KMT2C: variants seen among roughly 807,000 people sequenced by gnomAD.
KMT2C encodes the protein histone-lysine N-methyltransferase 2C.
Under a neutral mutation model 507.9 loss-of-function variants are expected in KMT2C, and 88 were observed. The ratio of observed to expected loss-of-function variants is 0.17; its 90% CI spans 0.15 to 0.21. The LOEUF (loss-of-function observed/expected upper bound fraction) is 0.21. Ranked by LOEUF, KMT2C falls within the 10% of genes least tolerant of loss-of-function variation. KMT2C has a pLI of 1.00. For missense variants in KMT2C, 4,954 were observed against 5,957.8 expected, an observed-to-expected ratio of 0.83 and a Z score of 5.55; for synonymous variants, 2,049 against 2,080.8, an observed-to-expected ratio of 0.98 and a Z score of 0.42.
intron 15 of KMT2C, among the ~76,000 whole-genome samples, chr7:152,238,358 C>T (rs2095323907): frequency 6.6e-6 from 1 of 152,134 alleles, no homozygotes; most frequent in African/African-American, 2.4e-5. Flanking sequence ...TCCATGAGAA[C>T]ATAATAAATT....
chr7:152,165,375 G>A (rs1259814766), intron 42 of KMT2C, among the ~76,000 whole-genome samples: 1 of 152,092 alleles, frequency 6.6e-6, no homozygotes, highest in African/African-American at 2.4e-5. Flanking sequence ...GCAAAAATTA[G>A]GCCCTCATCA....
chr7:152,358,613 G>A lies in KMT2C; in HGVS notation c.224C>T (p.Thr75Ile), dbSNP rs2129231442. The change falls in exon 2 of 59, where the codon ACA (threonine) becomes ATA (isoleucine). Residue 75 changes from threonine to isoleucine, a missense_variant. Thr to Ile is a moderately conservative substitution (Grantham distance 89). This residue lies in a region of KMT2C where 233 missense variants were observed against 263.6 expected (regional missense o/e 0.88). Coordinates refer to ENST00000262189, the MANE Select transcript of KMT2C (RefSeq NM_170606.3). ...DEDSMDGLETTETETIVETEI... is the reference protein window; with the variant it reads ...DEDSMDGLETIETETIVETEI... ...TGTTTCCACAATCGTTTCTGTTTCT[G>A]TTGTCTCCAGCCCATCCATGCTGTC... is the stretch of plus-strand genomic sequence containing the variant. The A allele has an allele frequency of 1.2e-6, 2 of 1,609,598 alleles. No individual in the cohort carries two copies. The highest frequency in any genetic ancestry group is 1.7e-6 in the Non-Finnish European group (2 of 1,177,524).
chr7:152,372,454 C>G (rs1200607493), intron 1 of KMT2C, among the ~76,000 whole-genome samples: 1 of 152,156 alleles, frequency 6.6e-6, no homozygotes, highest in African/African-American at 2.4e-5. Flanking sequence ...CTGCACCCAG[C>G]CAAGCGGATT....
chr7:152,174,206 T>C lies in KMT2C; in HGVS notation c.9299A>G (p.Lys3100Arg). Reference protein sequence around the residue: ...DAITDPIMKAKMVALKGINKV... With the variant: ...DAITDPIMKARMVALKGINKV... ...ATTTATACCTTTAAGGGCCACCATTTTGGCTTTCATTATAGGATCTGTAAT... is the reference window on the plus strand; with the variant it reads ...ATTTATACCTTTAAGGGCCACCATTCTGGCTTTCATTATAGGATCTGTAAT... Residue 3100 changes from lysine to arginine, a missense_variant, in exon 39 of 59, where the codon AAA (lysine) becomes AGA (arginine). Physicochemically the swap from Lys to Arg is conservative, Grantham distance 26. This residue lies in a region of KMT2C where 1,689 missense variants were observed against 1,654.3 expected (regional missense o/e 1.02). Coordinates refer to ENST00000262189, the MANE Select transcript of KMT2C (RefSeq NM_170606.3). 6.2e-7 allele frequency: 1 copy of C among 1,607,130 alleles called. No individual in the cohort carries two copies. The highest frequency in any genetic ancestry group is 8.5e-7 in the Non-Finnish European group (1 of 1,175,604).
intron 51 of KMT2C, among the ~76,000 whole-genome samples, chr7:152,150,330 T>C: frequency 6.6e-6 from 1 of 152,174 alleles, no homozygotes; most frequent in East Asian, 1.9e-4. Context: ...AATATTAAGA[T>C]ATTTACGGCC....
chr7:152,178,284 C>G (rs1483583076), intron 37 of KMT2C, among the ~76,000 whole-genome samples: 1 of 152,018 alleles, frequency 6.6e-6, no homozygotes, highest in Non-Finnish European at 1.5e-5. Context: ...AAAGGAAGAA[C>G]AACCAAGCAG....
chr7:152,259,454 A>G (rs866797853), intron 9 of KMT2C, among the ~76,000 whole-genome samples: 4,308 of 136,726 alleles, frequency 0.032, 242 homozygotes, highest in African/African-American at 0.12. Context: ...GCGCACACAC[A>G]CACACACACA....
intron 42 of KMT2C, among the ~76,000 whole-genome samples, chr7:152,166,161 T>C (rs1300096561): frequency 6.6e-6 from 1 of 150,998 alleles, no homozygotes; most frequent in Non-Finnish European, 1.5e-5. Flanking sequence ...TCTCACTTTG[T>C]CGCCAGGCTG....
intron 6 of KMT2C, among the ~76,000 whole-genome samples, chr7:152,277,102 T>TA (rs2096095504): frequency 6.6e-6 from 1 of 152,176 alleles, no homozygotes; most frequent in Non-Finnish European, 1.5e-5. Context: ...AGTTGTATCA[T>TA]AAAAAAATAC....
intron 1 of KMT2C, among the ~76,000 whole-genome samples, chr7:152,360,073 TGGG>T (rs372111513): frequency 0.055 from 805 of 14,746 alleles, 37 homozygotes; most frequent in African/African-American, 0.13. Context: ...AAAAGGGGGG[TGGG>T]GGGGGGGGGA....
chr7:152,368,773 T>G, intron 1 of KMT2C: 1 of 770,380 alleles, frequency 1.3e-6, no homozygotes, highest in Non-Finnish European at 2.1e-6. Context: ...AATGATGGAT[T>G]TAACAGCGTG....
chr7:152,308,367 C>T (rs1233020194), intron 6 of KMT2C, among the ~76,000 whole-genome samples: 3 of 151,988 alleles, frequency 2.0e-5, no homozygotes, highest in Admixed American at 6.6e-5. Flanking sequence ...CTCACTTCTC[C>T]CAAATATACT....
At chr7:152,419,954 T>C (rs2097768336) in intron 1 of KMT2C, among the ~76,000 whole-genome samples, 1 of 152,236 alleles carries the variant, frequency 6.6e-6, no homozygotes, top group African/African-American at 2.4e-5. Flanking sequence ...TCAACAAAGA[T>C]GTCTTCTTTC....
intron 8 of KMT2C, among the ~76,000 whole-genome samples, chr7:152,263,374 G>C (rs1250536497): frequency 2.6e-5 from 4 of 152,218 alleles, no homozygotes; most frequent in Non-Finnish European, 5.9e-5. Context: ...TGCAAAGGAG[G>C]AAGGGTTAAG....
intron 31 of KMT2C, among the ~76,000 whole-genome samples, chr7:152,189,072 C>T (rs13245135): frequency 0.049 from 7,390 of 152,194 alleles, 296 homozygotes; most frequent in East Asian, 0.17. Flanking sequence ...AATTCTCATT[C>T]GAGCTTATTC....
chr7:152,364,969 A>G (rs930584591), intron 1 of KMT2C, among the ~76,000 whole-genome samples: 20 of 151,670 alleles, frequency 1.3e-4, no homozygotes, highest in African/African-American at 3.4e-4. Context: ...ACACACACAC[A>G]CGTACCAGTA....
At chr7:152,290,135 A>G (rs1479694059) in intron 6 of KMT2C, among the ~76,000 whole-genome samples, 1 of 151,406 alleles carries the variant, frequency 6.6e-6, no homozygotes, top group African/African-American at 2.4e-5. Flanking sequence ...ATATTTTCCA[A>G]AGACCACTTA....
chr7:152,152,986 C>T (rs1342918050), intron 48 of KMT2C, 32 bp from the exon 49 acceptor site: 1 of 1,608,178 alleles, frequency 6.2e-7, no homozygotes, highest in Non-Finnish European at 8.5e-7. Context: ...GTATTATTCA[C>T]CCAGAAGGCA....
chr7:152,313,544 C>CA (rs1039166378), intron 4 of KMT2C, among the ~76,000 whole-genome samples: 13 of 151,222 alleles, frequency 8.6e-5, no homozygotes, highest in South Asian at 2.1e-4. Flanking sequence ...AGTTATAAAA[C>CA]AAAAAAAGGA....
Sources: allele counts gnomAD v4.1 joint callset (sites outside exome capture counted in the v4.1 genomes callset), GRCh38; gene constraint gnomAD v4.1.1; regional missense constraint gnomAD v4.1.1; transcripts MANE v1.5; gene names NCBI Gene and HGNC (gene_info 2026-07-23, HGNC 2026-07-21).